Variants in PRKN observed in about 807,000 individuals in gnomAD.
PRKN encodes E3 ubiquitin-protein ligase parkin.
A neutral mutation model predicts 59.5 loss-of-function variants in PRKN; 56 were observed. That is an observed-to-expected ratio of 0.94 (90% CI 0.76 to 1.18). PRKN has a LOEUF of 1.18. Ranked by LOEUF, PRKN falls within the 50% of genes most tolerant of loss-of-function variation. The probability of loss-of-function intolerance (pLI) is 0.00; values close to 1 mark genes in which losing one functional copy is unlikely to be tolerated. For missense variants in PRKN, 657 were observed against 596.4 expected (o/e 1.10, Z -1.06); for synonymous variants, 250 against 222.1 (o/e 1.13, Z -1.12).
chr6:162,415,819 A>C (rs1026478742), intron 2 of PRKN, among the ~76,000 whole-genome samples: 1 of 152,124 alleles, frequency 6.6e-6, no homozygotes, highest in African/African-American at 2.4e-5. Flanking sequence ...GTCTCAAAAA[A>C]AGTTAAGACA....
Position 162,361,197 on chromosome 6 carries a change from G to A in PRKN, c.171+82113C>T, listed in dbSNP as rs537526854. Among the ~76,000 whole-genome samples, 5 of 152,102 alleles carry A rather than the reference G, an allele frequency of 3.3e-5. No individual in the cohort carries two copies. In the South Asian group the frequency reaches 6.2e-4, roughly 19 times the overall value. On this transcript the variant is annotated intron_variant, in intron 2 of 11. Transcript: ENST00000366898. The stretch of plus-strand genomic sequence containing the variant: ...GGCTACATTTTTACTTCAGAAGTTC[G>A]CTTTGCATTTGGAGTGGCTCATTAG...
At chr6:161,782,039 T>G (rs532012192) in intron 7 of PRKN, among the ~76,000 whole-genome samples, 1 of 152,322 alleles carries the variant, frequency 6.6e-6, no homozygotes, top group Admixed American at 6.5e-5. Flanking sequence ...ATTTTCCCTT[T>G]GGTGCAGTAA....
At chr6:162,622,518 CA>C (rs1301771226) in intron 1 of PRKN, among the ~76,000 whole-genome samples, 50 of 152,232 alleles carry the variant, frequency 3.3e-4, no homozygotes. Flanking sequence ...ATTAATTAGA[CA>C]CCTTTTTAAA....
intron 7 of PRKN, among the ~76,000 whole-genome samples, chr6:161,723,780 G>C (rs189265850): frequency 1.3e-5 from 2 of 152,152 alleles, no homozygotes; most frequent in Non-Finnish European, 2.9e-5. Flanking sequence ...GAGAATCCAC[G>C]CAGGCTGCCT....
chr6:161,495,739 A>G (rs1777724736), intron 9 of PRKN, among the ~76,000 whole-genome samples: 1 of 152,088 alleles, frequency 6.6e-6, no homozygotes, highest in African/African-American at 2.4e-5. Flanking sequence ...TGTTCACACA[A>G]CTATTGTTCA....
intron 4 of PRKN, among the ~76,000 whole-genome samples, chr6:162,157,547 T>C (rs1782566715): frequency 6.6e-6 from 1 of 150,858 alleles, no homozygotes; most frequent in East Asian, 1.9e-4. Flanking sequence ...GACCAGAGCT[T>C]AGAAAATGCT....
intron 7 of PRKN, among the ~76,000 whole-genome samples, chr6:161,735,371 A>G (rs933156937): frequency 2.0e-5 from 3 of 151,976 alleles, no homozygotes; most frequent in Non-Finnish European, 4.4e-5. Context: ...GAGTAAATAT[A>G]TTTTCTCTTC....
chr6:162,574,764 G>GTTTTCT (rs371613068), intron 1 of PRKN, among the ~76,000 whole-genome samples: 1 of 86,306 alleles, frequency 1.2e-5, no homozygotes, highest in Non-Finnish European at 2.3e-5. Context: ...ATGATACTAA[G>GTTTTCT]TTGTTTTTTT....
rs1779846648 is a variant in PRKN, at chr6:161,547,751, C to T, written c.1083+1103G>A. Among the ~76,000 whole-genome samples the T allele has an allele frequency of 6.6e-6, 1 of 152,208 alleles. No individual in the cohort carries two copies. Among genetic ancestry groups the T allele is most frequent in the South Asian group, 2.1e-4 (1 of 4,834 alleles). The stretch of plus-strand genomic sequence containing the variant: ...TAATGACTAAGGCTGGAGAGTGTGT[C>T]CTGATTTCCATCGTCTCCAGGGAGA... On this transcript the variant is annotated intron_variant, in intron 9 of 11. Coordinates refer to ENST00000366898, the MANE Select transcript of PRKN (RefSeq NM_004562.3). The surrounding 1 kb of genome is among the most constrained non-coding windows in gnomAD (Gnocchi z 4.0).
intron 2 of PRKN, among the ~76,000 whole-genome samples, chr6:162,312,721 G>A (rs769003284): frequency 2.8e-4 from 42 of 152,050 alleles, no homozygotes; most frequent in Non-Finnish European, 5.1e-4. Context: ...AAGCCTTTGT[G>A]GATCGGATAA....
At position 161,836,812 on chromosome 6, in the gene PRKN, C is replaced by T. The variant is rs574745963; in HGVS notation, c.735-50904G>A. Among the ~76,000 whole-genome samples, 329 of 152,286 alleles carry T rather than the reference C, an allele frequency of 2.2e-3. 1 individual carries two copies. Among genetic ancestry groups the T allele is most frequent in the Middle Eastern group, 0.017 (5 of 294 alleles). On this transcript the variant is annotated intron_variant, in intron 6 of 11. Transcript: ENST00000366898. ...TGAACCGGGGAGAGGGACTCCACTT[C>T]CCAGTTCTTGGGCCTTCACTGCTCC...
At chr6:161,766,097 G>T (rs1789411355) in intron 7 of PRKN, among the ~76,000 whole-genome samples, 1 of 152,018 alleles carries the variant, frequency 6.6e-6, no homozygotes, top group Admixed American at 6.6e-5. Flanking sequence ...TCATTTTGCA[G>T]TTAGGTTATT....
intron 4 of PRKN, among the ~76,000 whole-genome samples, chr6:162,128,770 T>G (rs780947351): frequency 1.3e-5 from 2 of 152,162 alleles, no homozygotes; most frequent in Non-Finnish European, 2.9e-5. Context: ...TTAGGGCCCT[T>G]ATAAAAGAGG....
rs890646020 is a variant in PRKN, at chr6:162,076,646, T to G, written c.535-22472A>C. ...GTCATCTGGGCATTCTTAGCACTGA[T>G]TTAAACCAGCTACAGTTTATTCTGA... On this transcript the variant is annotated intron_variant, in intron 4 of 11. Transcript: ENST00000366898. Among the ~76,000 whole-genome samples the G allele has an allele frequency of 9.9e-5, 15 of 152,158 alleles. No individual in the cohort carries two copies. In the East Asian group the frequency reaches 2.9e-3, roughly 29 times the overall value.
chr6:162,266,970 G>T (rs1331215942), intron 2 of PRKN, among the ~76,000 whole-genome samples: 2 of 152,082 alleles, frequency 1.3e-5, no homozygotes, highest in African/African-American at 4.8e-5. Context: ...AACTTTCTGT[G>T]AACTAAAAAT....
chr6:162,115,949 G>A (rs1483339001), intron 4 of PRKN, among the ~76,000 whole-genome samples: 1 of 152,200 alleles, frequency 6.6e-6, no homozygotes, highest in African/African-American at 2.4e-5. Flanking sequence ...TGGGAATCCA[G>A]AGATGTTTTA....
At chr6:162,077,353 A>G (rs1039174230) in intron 4 of PRKN, among the ~76,000 whole-genome samples, 2 of 152,166 alleles carry the variant, frequency 1.3e-5, no homozygotes, top group Non-Finnish European at 2.9e-5. Flanking sequence ...GTCTAAACAC[A>G]TGCTATGATG....
At chr6:162,228,106 T>C (rs1408538943) in intron 3 of PRKN, among the ~76,000 whole-genome samples, 1 of 152,162 alleles carries the variant, frequency 6.6e-6, no homozygotes, top group Non-Finnish European at 1.5e-5. Flanking sequence ...TTCAAGGACC[T>C]GGGCATAAAG....
At chr6:162,575,480 T>C (rs1780520322) in intron 1 of PRKN, among the ~76,000 whole-genome samples, 1 of 152,150 alleles carries the variant, frequency 6.6e-6, no homozygotes, top group Non-Finnish European at 1.5e-5. Context: ...CACATGCCGC[T>C]TTTCCTCCGT....
Sources: allele counts gnomAD v4.1 joint callset (sites outside exome capture counted in the v4.1 genomes callset), GRCh38; gene constraint gnomAD v4.1.1; non-coding constraint Gnocchi (gnomAD v3.1); transcripts MANE v1.5; gene names NCBI Gene and HGNC (gene_info 2026-07-23, HGNC 2026-07-21).